The following SFMBT1 variants were observed in gnomAD, a reference collection of about 807,000 sequenced individuals.
SFMBT1 encodes the protein Scm like with four mbt domains 1.
SFMBT1 carries 32 observed loss-of-function variants against 108.7 expected under a neutral mutation model. The observed-to-expected ratio is 0.29, with a 90% CI of 0.22 to 0.40. The LOEUF is 0.40. Among genes scored for constraint, SFMBT1 ranks in the 10% least tolerant of loss-of-function variants. The pLI, the probability that SFMBT1 is intolerant of heterozygous loss-of-function variation, is 1.00. For missense variants in SFMBT1, 816 were observed against 1,059.6 expected, an observed-to-expected ratio of 0.77 and a Z score of 3.19; for synonymous variants, 348 against 369.5, an observed-to-expected ratio of 0.94 and a Z score of 0.67.
chr3:52,963,421 A>G (rs1436536977), intron 2 of SFMBT1, among the ~76,000 whole-genome samples: 1 of 151,920 alleles, frequency 6.6e-6, no homozygotes, highest in Non-Finnish European at 1.5e-5. Context: ...AAACCACAAG[A>G]AAACAGGATT....
intron 2 of SFMBT1, among the ~76,000 whole-genome samples, chr3:52,964,484 AC>A (rs1485903415): frequency 2.6e-5 from 4 of 152,222 alleles, no homozygotes; most frequent in Non-Finnish European, 4.4e-5. Context: ...ACTGTACTCC[AC>A]CCTGGGTGAC....
chr3:53,023,994 G>A (rs1269089219), intron 1 of SFMBT1, among the ~76,000 whole-genome samples: 1 of 152,164 alleles, frequency 6.6e-6, no homozygotes, highest in African/African-American at 2.4e-5. Flanking sequence ...TCTAGGTACT[G>A]CAGATATAGT....
chr3:53,008,552 A>G (rs1447315662), intron 1 of SFMBT1, among the ~76,000 whole-genome samples: 1 of 152,202 alleles, frequency 6.6e-6, no homozygotes, highest in Admixed American at 6.5e-5. Flanking sequence ...ATAACAAAAA[A>G]GAAAAACCAG....
At chr3:53,010,495 A>T (rs571806288) in intron 1 of SFMBT1, among the ~76,000 whole-genome samples, 4 of 152,316 alleles carry the variant, frequency 2.6e-5, no homozygotes, top group South Asian at 2.1e-4. Flanking sequence ...TGGGAGGAGG[A>T]GGTGAGTGGC....
intron 1 of SFMBT1, among the ~76,000 whole-genome samples, chr3:53,027,519 A>G (rs779850205): frequency 1.3e-5 from 2 of 152,212 alleles, no homozygotes; most frequent in Admixed American, 6.5e-5. Flanking sequence ...CCAGTTCACT[A>G]ATGAGAAAAT....
Position 52,928,234 on chromosome 3 carries a change from C to T in SFMBT1, c.1005G>A (p.Val335=). ...CHADSPGIFP[V]QWSLKNGLHI... is the part of the protein sequence containing the mutation. ...GTAGGCCATTCTTCAGACTCCACTGCACAGGGAAGATGCCAGGACTGTCGG... is the reference window on the plus strand; with the variant it reads ...GTAGGCCATTCTTCAGACTCCACTGTACAGGGAAGATGCCAGGACTGTCGG... The change falls in exon 9 of 21, where the codon GTG becomes GTA. Residue 335 remains valine (V), a synonymous_variant. Coordinates refer to ENST00000394752, the MANE Select transcript of SFMBT1 (RefSeq NM_016329.4). The T allele has an allele frequency of 6.2e-7, 1 of 1,614,006 alleles. No homozygotes were observed. The highest frequency in any genetic ancestry group is 8.5e-7 in the Non-Finnish European group (1 of 1,179,986).
chr3:52,930,467 T>C, intron 7 of SFMBT1, 37 bp from the exon 8 acceptor site: 2 of 1,155,634 alleles, frequency 1.7e-6, no homozygotes, highest in Non-Finnish European at 2.6e-6. Flanking sequence ...GAAAACATAG[T>C]ATCTGTATCA....
At chr3:52,982,467 G>C (rs542970666) in intron 1 of SFMBT1, among the ~76,000 whole-genome samples, 3 of 152,110 alleles carry the variant, frequency 2.0e-5, no homozygotes, top group African/African-American at 7.2e-5. Flanking sequence ...GGTGGCTCAC[G>C]CCTGTAATGC....
intron 3 of SFMBT1, among the ~76,000 whole-genome samples, chr3:52,947,427 C>T (rs1173275533): frequency 6.6e-6 from 1 of 151,896 alleles, no homozygotes; most frequent in Non-Finnish European, 1.5e-5. Flanking sequence ...CCTTTTTTCA[C>T]TTTTAACCAT....
At chr3:53,029,654 A>G (rs905886371) in intron 1 of SFMBT1, among the ~76,000 whole-genome samples, 6 of 152,264 alleles carry the variant, frequency 3.9e-5, no homozygotes, top group Admixed American at 1.3e-4. Flanking sequence ...ATCTGAATTC[A>G]TAACAAGCAG....
At chr3:52,986,648 T>C (rs530773629) in intron 1 of SFMBT1, among the ~76,000 whole-genome samples, 121 of 150,962 alleles carry the variant, frequency 8.0e-4, no homozygotes, top group Middle Eastern at 3.4e-3. Flanking sequence ...TGGTGGCAGG[T>C]GCCTGTAGTC....
intron 8 of SFMBT1, 33 bp downstream of exon 8, chr3:52,930,296 G>T: frequency 7.6e-7 from 1 of 1,307,404 alleles, no homozygotes; most frequent in South Asian, 1.2e-5. Context: ...ACCTTGACAG[G>T]GATTCTTACC....
At chr3:52,953,226 G>A (rs1271835861) in intron 3 of SFMBT1, among the ~76,000 whole-genome samples, 1 of 152,220 alleles carries the variant, frequency 6.6e-6, no homozygotes, top group African/African-American at 2.4e-5. Flanking sequence ...AGCACTCTGG[G>A]AGGCCAAGGC....
At position 52,903,739 on chromosome 3, in the gene SFMBT1, ATG is replaced by A. The variant is rs1702002893; in HGVS notation, c.*1395_*1396del. ...ACCATTTAAGGGAGACAACCTATGT[ATG>A]TTTTTCCTCACTCCTCATGACTAGA... On this transcript the variant is annotated 3_prime_UTR_variant, in exon 21 of 21. Coordinates refer to ENST00000394752, the MANE Select transcript of SFMBT1 (RefSeq NM_016329.4). 6.6e-6 allele frequency: 1 copy of A among 152,216 alleles called. No homozygotes were observed. Among genetic ancestry groups the A allele is most frequent in the African/African-American group, 2.4e-5 (1 of 41,444 alleles). The allele number at this position is 152,216 out of a possible 1,614,324, so 9.4% of individuals were successfully genotyped here. A position where few individuals can be genotyped will look rare whatever the true frequency, so the allele number is the denominator to read the frequency against.
intron 7 of SFMBT1, 92 bp from the exon 8 acceptor site, chr3:52,930,522 C>T: frequency 1.3e-6 from 1 of 741,210 alleles, no homozygotes; most frequent in East Asian, 2.5e-5. Flanking sequence ...ATGTCCAGCT[C>T]TGGTAAATCC....
At chr3:52,992,676 C>A (rs1456915410) in intron 1 of SFMBT1, among the ~76,000 whole-genome samples, 1 of 152,150 alleles carries the variant, frequency 6.6e-6, no homozygotes, top group African/African-American at 2.4e-5. Context: ...AAAAGCAGAT[C>A]ATCTTTCAGA....
chr3:52,950,038 T>C (rs892755469), intron 3 of SFMBT1, among the ~76,000 whole-genome samples: 3 of 151,956 alleles, frequency 2.0e-5, no homozygotes, highest in Admixed American at 1.3e-4. Flanking sequence ...TCATATTTTT[T>C]GATCCACTCT....
chr3:52,929,233 G>A (rs1254302555), intron 8 of SFMBT1, among the ~76,000 whole-genome samples: 3 of 151,706 alleles, frequency 2.0e-5, no homozygotes, highest in African/African-American at 4.8e-5. Context: ...GCCAAAGAAC[G>A]AACTTTATTT....
chr3:52,943,527 G>T lies in SFMBT1; in HGVS notation c.190C>A (p.Pro64Thr). The part of the protein sequence containing the change: ...MKLEVAVRTD[P>T]ETYWVATVIT... ...ACGGTGGCAACCCAGTAGGTCTCAG[G>T]ATCTGTTCTCACAGCCACCTCCAGC... Residue 64 changes from proline to threonine, a missense_variant, in exon 4 of 21, where the codon CCT becomes ACT. By Grantham distance (38) the Pro-to-Thr change is conservative (BLOSUM62 -1). Around this residue, in one of 5 missense-constraint regions of SFMBT1, gnomAD observed 495 missense variants for 607.4 expected, o/e 0.81. Coordinates refer to ENST00000394752, the MANE Select transcript of SFMBT1 (RefSeq NM_016329.4). 1.2e-6 allele frequency: 2 copies of T among 1,614,164 alleles called. No individual in the cohort carries two copies. The highest frequency in any genetic ancestry group is 1.7e-6 in the Non-Finnish European group (2 of 1,180,002).
Sources: gnomAD v4.1 joint callset for allele counts (sites outside exome capture counted in the v4.1 genomes callset) on GRCh38, gnomAD v4.1.1 for gene constraint, gnomAD v4.1.1 regional missense constraint, MANE v1.5 for transcripts, NCBI Gene and HGNC (gene_info 2026-07-23, HGNC 2026-07-21) for gene names.